The following KCNB2 variants were observed in gnomAD, a reference collection of about 807,000 sequenced individuals.
KCNB2 encodes potassium voltage-gated channel subfamily B member 2.
In KCNB2, 15 loss-of-function variants were observed where a neutral mutation model predicts 61.5. That is an observed-to-expected ratio of 0.24 (90% CI 0.16 to 0.38). The LOEUF (loss-of-function observed/expected upper bound fraction) is 0.38. KCNB2 is among the 10% of genes least tolerant of loss of function. The probability of loss-of-function intolerance (pLI) is 1.00; values close to 1 mark genes in which losing one functional copy is unlikely to be tolerated. For synonymous variants in KCNB2, 457 were observed against 446.0 expected (o/e 1.02, Z -0.31); for missense variants, 828 against 1,125.2 (o/e 0.74, Z 3.78).
At chr8:72,644,440 A>T (rs74592501) in intron 2 of KCNB2, among the ~76,000 whole-genome samples, 2 of 152,184 alleles carry the variant, frequency 1.3e-5, no homozygotes, top group Non-Finnish European at 2.9e-5. Context: ...ATGAAAATTC[A>T]TTCAACTTGC....
At chr8:72,614,212 A>C (rs1293017402) in intron 2 of KCNB2, among the ~76,000 whole-genome samples, 1 of 152,196 alleles carries the variant, frequency 6.6e-6, no homozygotes, top group African/African-American at 2.4e-5. Flanking sequence ...GTTTTATTAG[A>C]TATTGATTGG....
chr8:72,666,076 G>A (rs574683492), intron 2 of KCNB2, among the ~76,000 whole-genome samples: 2 of 152,268 alleles, frequency 1.3e-5, no homozygotes, highest in African/African-American at 4.8e-5. Flanking sequence ...TTTTTTTTAA[G>A]TAAAATCGGA....
chr8:72,891,041 A>G (rs1805888906), intron 2 of KCNB2, among the ~76,000 whole-genome samples: 1 of 152,190 alleles, frequency 6.6e-6, no homozygotes, highest in South Asian at 2.1e-4. Flanking sequence ...CTGAATCCAA[A>G]TGACACATAG....
intron 2 of KCNB2, among the ~76,000 whole-genome samples, chr8:72,894,900 T>C (rs1805965307): frequency 6.6e-6 from 1 of 152,078 alleles, no homozygotes; most frequent in South Asian, 2.1e-4. Flanking sequence ...AAGGGAGGGA[T>C]GTTTGAAAAG....
At chr8:72,586,224 A>C (rs901795442) in intron 2 of KCNB2, among the ~76,000 whole-genome samples, 1 of 152,204 alleles carries the variant, frequency 6.6e-6, no homozygotes, top group African/African-American at 2.4e-5. Flanking sequence ...CCAGTGTCAA[A>C]CCCATTACCG....
intron 2 of KCNB2, among the ~76,000 whole-genome samples, chr8:72,847,354 C>T (rs576246954): frequency 2.0e-5 from 3 of 152,304 alleles, no homozygotes; most frequent in South Asian, 4.1e-4. Context: ...GTGGTCTTCC[C>T]ATCTCCACTT....
chr8:72,654,076 T>G (rs1806253716), intron 2 of KCNB2, among the ~76,000 whole-genome samples: 1 of 152,198 alleles, frequency 6.6e-6, no homozygotes, highest in South Asian at 2.1e-4. Context: ...ATTTTCATAA[T>G]GATCCAATTC....
intron 2 of KCNB2, among the ~76,000 whole-genome samples, chr8:72,598,235 C>A (rs190014921): frequency 0.012 from 1,871 of 152,272 alleles, 30 homozygotes; most frequent in African/African-American, 0.042. Context: ...AGCAGCACAT[C>A]AAAAAGCTTA....
At chr8:72,718,182 G>A (rs1420732459) in intron 2 of KCNB2, among the ~76,000 whole-genome samples, 9 of 152,246 alleles carry the variant, frequency 5.9e-5, no homozygotes, top group Non-Finnish European at 1.2e-4. Context: ...TGGAGAGGAT[G>A]TGGAGAAATA....
chr8:72,622,438 A>AC (rs1227496054), intron 2 of KCNB2, among the ~76,000 whole-genome samples: 3 of 152,196 alleles, frequency 2.0e-5, no homozygotes, highest in Non-Finnish European at 1.5e-5. Context: ...ATCATAGAGA[A>AC]CAGCTGAATT....
intron 1 of KCNB2, among the ~76,000 whole-genome samples, chr8:72,565,818 A>G (rs895657821): frequency 6.6e-6 from 1 of 152,240 alleles, no homozygotes; most frequent in African/African-American, 2.4e-5. Context: ...GTGGAAAATA[A>G]TTAAAGAATG....
intron 2 of KCNB2, chr8:72,660,761 G>A (rs1563551783): frequency 6.6e-6 from 1 of 152,114 alleles, no homozygotes; most frequent in Non-Finnish European, 1.5e-5. Context: ...AGCTGATCTT[G>A]TCATCAGTTT....
chr8:72,631,960 G>A (rs1805888634), intron 2 of KCNB2, among the ~76,000 whole-genome samples: 1 of 152,106 alleles, frequency 6.6e-6, no homozygotes, highest in East Asian at 1.9e-4. Context: ...AAGTGGGCTG[G>A]GCATGGTGGC....
intron 2 of KCNB2, among the ~76,000 whole-genome samples, chr8:72,617,361 G>A (rs1373331972): frequency 2.0e-5 from 3 of 152,224 alleles, no homozygotes; most frequent in East Asian, 1.9e-4. Context: ...AGAAAAATAG[G>A]CAAGGACAGG....
intron 2 of KCNB2, among the ~76,000 whole-genome samples, chr8:72,789,735 T>C (rs1449729518): frequency 6.6e-6 from 1 of 152,004 alleles, no homozygotes; most frequent in Non-Finnish European, 1.5e-5. Context: ...GGCACTCTGA[T>C]GGGTGCCCTA....
chr8:72,937,302 C>T lies in KCNB2; in HGVS notation c.1947C>T (p.Pro649=), dbSNP rs1489026201. The T allele has an allele frequency of 6.2e-7, 1 of 1,614,036 alleles. No individual in the cohort carries two copies. Among genetic ancestry groups the T allele is most frequent in the South Asian group, 1.1e-5 (1 of 91,076 alleles). The change falls in exon 3 of 3, where the codon CCC becomes CCT. Residue 649 remains proline (P), a synonymous_variant. Coordinates refer to ENST00000523207, the MANE Select transcript of KCNB2 (RefSeq NM_004770.3). ...AAGAGCACCAAAGAGCTAGGGGCCC[C>T]CCGTTTCTAACTCTATCCAGAGAGA... ...GTEEHQRARG[P]PFLTLSREKG...
chr8:72,656,313 TGAGA>T (rs1270998634), intron 2 of KCNB2, among the ~76,000 whole-genome samples: 2 of 152,178 alleles, frequency 1.3e-5, no homozygotes, highest in Non-Finnish European at 2.9e-5. Flanking sequence ...CTTGCACCTC[TGAGA>T]GTGAGCTATC....
At chr8:72,910,726 A>C (rs1806273405) in intron 2 of KCNB2, among the ~76,000 whole-genome samples, 1 of 152,234 alleles carries the variant, frequency 6.6e-6, no homozygotes, top group South Asian at 2.1e-4. Context: ...AAGCAAAATT[A>C]TAACAGGTTG....
intron 2 of KCNB2, among the ~76,000 whole-genome samples, chr8:72,736,935 T>C (rs1174242822): frequency 2.0e-5 from 3 of 152,148 alleles, no homozygotes; most frequent in Admixed American, 6.6e-5. Context: ...TATAAATATT[T>C]TTCTATCCTT....
Sources: gnomAD v4.1 joint callset for allele counts (sites outside exome capture counted in the v4.1 genomes callset) on GRCh38, gnomAD v4.1.1 for gene constraint, MANE v1.5 for transcripts, NCBI Gene and HGNC (gene_info 2026-07-23, HGNC 2026-07-21) for gene names.